The following ZNF177 variants were observed in gnomAD, a reference collection of about 807,000 sequenced individuals.
The protein encoded by ZNF177 is zinc finger protein 177.
In ZNF177, 17 loss-of-function variants were observed where a neutral mutation model predicts 19.4. The ratio of observed to expected loss-of-function variants is 0.87; its 90% CI spans 0.60 to 1.31. The LOEUF is 1.31. Among genes scored for constraint, ZNF177 ranks in the 40% most tolerant of loss-of-function variants. The pLI is 0.00. For synonymous variants in ZNF177, 220 were observed against 188.7 expected (o/e 1.17, Z -1.36); for missense variants, 633 against 561.8 (o/e 1.13, Z -1.28).
chr19:9,381,292 T>G, exon 6 of ZNF177: 1 of 1,614,096 alleles, frequency 6.2e-7, no homozygotes, highest in Non-Finnish European at 8.5e-7. Flanking sequence ...TGGAAAATCC[T>G]TTAGCCAGAG....
At position 9,381,397 on chromosome 19, in the gene ZNF177, C is replaced by T. The variant is rs2122568253; in HGVS notation, c.1066C>T (p.Gln356Ter). Reference sequence around the variant, plus strand: ...GGCTTTCACTGTTCCTTCATCCCTTCAGAAACATGTGAGAACCCACACTGG... The same window carrying T: ...GGCTTTCACTGTTCCTTCATCCCTTTAGAAACATGTGAGAACCCACACTGG... Residue 356 changes from glutamine (Q) to a stop codon, truncating the protein, a stop_gained, in exon 6 of 6, where the codon CAG becomes TAG. Coordinates refer to ENST00000589262, the Ensembl canonical transcript of ZNF177. LOFTEE classifies it low-confidence loss of function (END_TRUNC). The T allele has an allele frequency of 6.2e-7, 1 of 1,612,872 alleles. No homozygotes were observed.
chr19:9,366,283 A>C (rs987523047), intron 2 of ZNF177, among the ~76,000 whole-genome samples: 1 of 151,050 alleles, frequency 6.6e-6, no homozygotes, highest in Admixed American at 6.6e-5. Flanking sequence ...GCCTAGCCTC[A>C]TTCCTTTTTT....
upstream of ZNF177, among the ~76,000 whole-genome samples, chr19:9,375,408 GAGA>G (rs978116822): frequency 1.8e-4 from 28 of 152,164 alleles, no homozygotes; most frequent in African/African-American, 6.8e-4. Flanking sequence ...GGAAGAGTTT[GAGA>G]AGGATTCTTT....
intron 3 of ZNF177, 76 bp from the exon 6 acceptor site, chr19:9,379,451 A>C: frequency 6.6e-7 from 1 of 1,524,762 alleles, no homozygotes; most frequent in Non-Finnish European, 8.8e-7. Flanking sequence ...AGTTAAAGCC[A>C]AAGTATGGCA....
At chr19:9,373,140 A>G (rs1461758532), upstream of ZNF177, among the ~76,000 whole-genome samples, 3 of 152,166 alleles carry the variant, frequency 2.0e-5, no homozygotes, top group Non-Finnish European at 2.9e-5. Flanking sequence ...CCATTGACCA[A>G]CATCTCCCCA....
intron 2 of ZNF177, among the ~76,000 whole-genome samples, chr19:9,365,234 G>C (rs2122477015): frequency 6.6e-6 from 1 of 152,142 alleles, no homozygotes; most frequent in Middle Eastern, 3.4e-3. Flanking sequence ...TAAGGAGGAA[G>C]GTTTTAGGTC....
chr19:9,363,780 G>T (rs1377202469), intron 1 of ZNF177, among the ~76,000 whole-genome samples: 1 of 152,034 alleles, frequency 6.6e-6, no homozygotes, highest in Admixed American at 6.6e-5. Flanking sequence ...TTGACATATC[G>T]TTTATGAATA....
upstream of ZNF177, among the ~76,000 whole-genome samples, chr19:9,372,037 C>A (rs1442599265): frequency 6.6e-6 from 1 of 152,184 alleles, no homozygotes; most frequent in East Asian, 1.9e-4. Context: ...ATGTCTTACA[C>A]ATGGTACATT....
At chr19:9,373,284 CCTT>C (rs1278707272), upstream of ZNF177, among the ~76,000 whole-genome samples, 1 of 152,120 alleles carries the variant, frequency 6.6e-6, no homozygotes, top group East Asian at 1.9e-4. Context: ...CTCCAGGTTT[CCTT>C]CTTTTTTAAG....
intron 2 of ZNF177, chr19:9,378,584 G>A: frequency 1.6e-6 from 1 of 631,764 alleles, no homozygotes; most frequent in Non-Finnish European, 2.6e-6. Context: ...AGTGAGTGCT[G>A]TAAAGAAAGA....
exon 6 of ZNF177, chr19:9,381,074 A>T (rs980866171): frequency 6.2e-7 from 1 of 1,610,248 alleles, no homozygotes. Flanking sequence ...GTCCACACAA[A>T]AACTGGTAGT....
At chr19:9,379,543 A>C (rs778158136) in exon 4 of ZNF177, 2 of 1,613,832 alleles carry the variant, frequency 1.2e-6, no homozygotes, top group Non-Finnish European at 1.7e-6. Context: ...AGCTCTGCAG[A>C]CACAGTCTGA....
intron 4 of ZNF177, 85 bp downstream of exon 6, chr19:9,379,704 C>G: frequency 6.8e-7 from 1 of 1,467,732 alleles, no homozygotes; most frequent in Non-Finnish European, 9.2e-7. Flanking sequence ...GAAAAGAAAT[C>G]TGAGGCCATG....
chr19:9,369,399 G>T (rs544947501), intron 2 of ZNF177, among the ~76,000 whole-genome samples: 20 of 152,128 alleles, frequency 1.3e-4, no homozygotes, highest in African/African-American at 4.3e-4. Context: ...CAAAATCTAT[G>T]AAATTAATTT....
chr19:9,380,370 A>G lies in ZNF177; in HGVS notation c.336+231A>G, dbSNP rs574624650. 9.8e-5 allele frequency among the ~76,000 whole-genome samples: 15 copies of G among 152,306 alleles called. No homozygotes were observed. The South Asian group carries it at 2.9e-3, about 29-fold the overall frequency. On this transcript the variant is annotated intron_variant, in intron 5 of 5. Coordinates refer to ENST00000589262, the Ensembl canonical transcript of ZNF177. The stretch of plus-strand genomic sequence containing the variant: ...TAACCACAAGTAAACATCTATGTAA[A>G]TATGATTTTAGAGTTAAGTATTTAG...
chr19:9,380,081 A>C (rs2068170524), exon 5 of ZNF177: 4 of 1,612,112 alleles, frequency 2.5e-6, no homozygotes, highest in Non-Finnish European at 3.4e-6. Flanking sequence ...CTTAAACCAA[A>C]AGATACAATT....
intron 2 of ZNF177, among the ~76,000 whole-genome samples, chr19:9,368,014 T>C (rs1385116347): frequency 1.3e-5 from 2 of 152,234 alleles, no homozygotes; most frequent in Admixed American, 1.3e-4. Flanking sequence ...CTCTGGAATA[T>C]TTTCATCCAG....
At chr19:9,364,219 G>A (rs2067946149) in intron 1 of ZNF177, among the ~76,000 whole-genome samples, 1 of 152,132 alleles carries the variant, frequency 6.6e-6, no homozygotes, top group South Asian at 2.1e-4. Context: ...ATTGATTTAG[G>A]TAAAAACAAC....
intron 5 of ZNF177, 41 bp downstream of exon 7, chr19:9,380,180 A>T (rs2122559473): frequency 6.4e-7 from 1 of 1,568,102 alleles, no homozygotes; most frequent in Middle Eastern, 1.7e-4. Flanking sequence ...TTGTAGTAGA[A>T]GTCTGGGAAT....
Sources: gnomAD v4.1 joint callset for allele counts (sites outside exome capture counted in the v4.1 genomes callset) on GRCh38, gnomAD v4.1.1 for gene constraint, MANE v1.5 for transcripts, NCBI Gene and HGNC (gene_info 2026-07-23, HGNC 2026-07-21) for gene names.